SKA3: variants seen among roughly 807,000 people sequenced by gnomAD.
The protein encoded by SKA3 is spindle and kinetochore-associated protein 3.
In SKA3, 39 loss-of-function variants were observed where a neutral mutation model predicts 44.2. The ratio of observed to expected loss-of-function variants is 0.88; its 90% confidence interval spans 0.68 to 1.15. The LOEUF (loss-of-function observed/expected upper bound fraction) is 1.15. Ranked by LOEUF, SKA3 falls within the 50% of genes most tolerant of loss-of-function variation. The pLI, the probability that SKA3 is intolerant of heterozygous loss-of-function variation, is 0.00. For missense variants in SKA3, 511 were observed against 485.8 expected (o/e 1.05, Z -0.49); for synonymous variants, 192 against 172.0 (o/e 1.12, Z -0.91).
intron 4 of SKA3, among the ~76,000 whole-genome samples, chr13:21,162,540 A>AT (rs564730211): frequency 1.3e-3 from 203 of 151,848 alleles, no homozygotes; most frequent in African/African-American, 4.5e-3. Flanking sequence ...TAATGTTTGT[A>AT]TTTTTTTGGT....
In SKA3 at chr13:21,159,973, T is replaced by C; in HGVS notation, c.844A>G (p.Asn282Asp). 1 of 1,606,212 alleles carries C rather than the reference T, an allele frequency of 6.2e-7. No homozygotes were observed. The highest frequency in any genetic ancestry group is 1.7e-5 in the Admixed American group (1 of 58,280). The change falls in exon 6 of 9, where the codon AAC (asparagine) becomes GAC (aspartate). Residue 282 changes from asparagine to aspartate, a missense_variant. Asn to Asp is a conservative substitution (Grantham distance 23). Transcript: ENST00000314759. ...QLEKSDAEYT[N>D]SPLVPTFCTP... is the part of the protein sequence containing the mutation. ...CAGAATGTAGGTACCAAAGGAGAGT[T>C]GGTATATTCGGCATCTAAAAGACAC...
chr13:21,159,826 T>C, intron 6 of SKA3, 76 bp downstream of exon 6: 1 of 943,914 alleles, frequency 1.1e-6, no homozygotes, highest in Non-Finnish European at 1.5e-6. Flanking sequence ...CTAAACAGAC[T>C]CTTTGAGCCT....
intron 6 of SKA3, 39 bp downstream of exon 6, chr13:21,159,863 A>G (rs773848160): frequency 8.8e-7 from 1 of 1,140,468 alleles, no homozygotes; most frequent in South Asian, 1.9e-5. Context: ...TTGAGTCTTT[A>G]GGAGAAAGAC....
chr13:21,170,179 CTT>C (rs1192752791), intron 3 of SKA3, among the ~76,000 whole-genome samples: 49 of 138,308 alleles, frequency 3.5e-4, no homozygotes, highest in African/African-American at 4.5e-4. Flanking sequence ...AGGTTATATA[CTT>C]TTTTTTTTTT....
intron 4 of SKA3, 75 bp from the exon 5 acceptor site, chr13:21,161,950 C>T (rs533128475): frequency 2.3e-6 from 2 of 873,306 alleles, no homozygotes; most frequent in East Asian, 8.5e-5. Context: ...TTTAACCTTA[C>T]TAAATATCAA....
chr13:21,176,376 G>A lies in SKA3; in HGVS notation c.102C>T (p.Ser34=). 6.4e-7 allele frequency: 1 copy of A among 1,565,208 alleles called. No homozygotes were observed. Among genetic ancestry groups the A allele is most frequent in the South Asian group, 1.2e-5 (1 of 85,830 alleles). Residue 34 remains serine (S), a splice_region_variant and synonymous_variant, in exon 1 of 9, where the codon AGC becomes AGT. Coordinates refer to ENST00000314759, the MANE Select transcript of SKA3 (RefSeq NM_145061.6). ...GCCCTGGCCGCCCGCCTCACGCACCGCTTTCCTCTCCGTCCAGCGCTCGCT... is the reference window on the plus strand; with the variant it reads ...GCCCTGGCCGCCCGCCTCACGCACCACTTTCCTCTCCGTCCAGCGCTCGCT... ...RLQRALDGEE[S]DFEDYPMRIL... is the part of the protein sequence containing the mutation.
In SKA3 at chr13:21,155,041, C is replaced by T; in HGVS notation, c.*109G>A. The T allele has an allele frequency of 1.3e-6, 2 of 1,548,308 alleles. No individual in the cohort carries two copies. The highest frequency in any genetic ancestry group is 1.4e-5 in the African/African-American group (1 of 72,360). ...GTTCATGTTTGTCTTTAAAATGGGT[C>T]AACGTTTAAAGGGGGACAGAGGCAG... On this transcript the variant is annotated 3_prime_UTR_variant, in exon 9 of 9. Transcript: ENST00000314759.
chr13:21,172,508 T>C lies in SKA3; in HGVS notation c.166-4A>G. 1.3e-6 allele frequency: 2 copies of C among 1,558,254 alleles called. No individual in the cohort carries two copies. The highest frequency in any genetic ancestry group is 1.4e-5 in the African/African-American group (1 of 72,344). On this transcript the variant is annotated splice_polypyrimidine_tract_variant and splice_region_variant and intron_variant, in intron 2 of 8. Transcript: ENST00000314759. ...CAAGAAGAATATTAACATCATCCTT[T>C]TATGAATAAAGAAAGTACATTTTAA...
chr13:21,158,597 G>C (rs1414601044), intron 6 of SKA3, among the ~76,000 whole-genome samples: 1 of 152,058 alleles, frequency 6.6e-6, no homozygotes, highest in Non-Finnish European at 1.5e-5. Context: ...CTCCAGCCTG[G>C]GTGACAGAGT....
chr13:21,155,261 G>C, intron 8 of SKA3, 111 bp from the exon 9 acceptor site: 1 of 737,350 alleles, frequency 1.4e-6, no homozygotes. Context: ...ATTGAGGATA[G>C]ATTCCCACTG....
intron 1 of SKA3, among the ~76,000 whole-genome samples, chr13:21,174,767 C>CCAA (rs60501469): frequency 0.85 from 128,021 of 150,688 alleles, 54,596 homozygotes; most frequent in East Asian, 0.97. Context: ...GCGTACTGCT[C>CCAA]CAACAACAAC....
In SKA3 at chr13:21,155,091, C is replaced by T. The variant is rs779838748; in HGVS notation, c.*59G>A. 2 of 1,608,822 alleles carry T rather than the reference C, an allele frequency of 1.2e-6. No individual in the cohort carries two copies. The highest frequency in any genetic ancestry group is 2.7e-5 in the African/African-American group (2 of 74,884). Reference sequence around the variant, plus strand: ...GGGCAATGTGAATGTTAAAATCGGTCCAGCTCGGCTTTCATCTCATTTTGT... The same window carrying T: ...GGGCAATGTGAATGTTAAAATCGGTTCAGCTCGGCTTTCATCTCATTTTGT... On this transcript the variant is annotated 3_prime_UTR_variant, in exon 9 of 9. Transcript: ENST00000314759.
intron 4 of SKA3, among the ~76,000 whole-genome samples, chr13:21,166,417 G>A (rs1032777336): frequency 1.3e-5 from 2 of 151,856 alleles, no homozygotes; most frequent in African/African-American, 4.8e-5. Flanking sequence ...TATAACCTAC[G>A]ATATTTTCTG....
rs770358703 is a variant in SKA3 at position 21,176,522 on chromosome 13, C to CG, written c.-46dup. 2.2e-6 allele frequency: 3 copies of CG among 1,364,314 alleles called. No individual in the cohort carries two copies. The highest frequency in any genetic ancestry group is 2.9e-6 in the Non-Finnish European group (3 of 1,028,484). 84.5% of individuals were successfully genotyped at this position (1,364,314 alleles called of 1,614,324 possible). ...GACTCCAGGCGTACGCAGACCCCAC[C>CG]GCTCAGCTCACAGCCTCCCGCCACT... On this transcript the variant is annotated 5_prime_UTR_variant, in exon 1 of 9. Coordinates refer to ENST00000314759, the MANE Select transcript of SKA3 (RefSeq NM_145061.6).
chr13:21,172,937 G>A lies in SKA3; in HGVS notation c.104-256C>T, dbSNP rs569436319. 4.9e-4 allele frequency among the ~76,000 whole-genome samples: 74 copies of A among 152,234 alleles called. 1 individual carries two copies. The highest frequency in any genetic ancestry group is 8.2e-4 in the Non-Finnish European group (56 of 68,014). Reference sequence around the variant, plus strand: ...TGCTATACAGGTTTGTGGCCTAGGAGCGACAGGCTACACCATACAGCCTAG... The same window carrying A: ...TGCTATACAGGTTTGTGGCCTAGGAACGACAGGCTACACCATACAGCCTAG... On this transcript the variant is annotated intron_variant, in intron 1 of 8. Transcript: ENST00000314759.
chr13:21,167,628 G>A (rs750161981), intron 4 of SKA3, among the ~76,000 whole-genome samples: 1 of 151,980 alleles, frequency 6.6e-6, no homozygotes, highest in Admixed American at 6.6e-5. Context: ...TTAGCCAGGC[G>A]TGGTGGCTGG....
chr13:21,175,001 A>G lies in SKA3; in HGVS notation c.103+1374T>C, dbSNP rs907082948. ...CTGAAGATAGTTTTTTCTTTCTTAGATGGAGTCTAAGATCGCTCAGGCTGG... is the reference window on the plus strand; with the variant it reads ...CTGAAGATAGTTTTTTCTTTCTTAGGTGGAGTCTAAGATCGCTCAGGCTGG... On this transcript the variant is annotated intron_variant, in intron 1 of 8. Coordinates refer to ENST00000314759, the MANE Select transcript of SKA3 (RefSeq NM_145061.6). Among the ~76,000 whole-genome samples the G allele has an allele frequency of 2.0e-5, 3 of 152,080 alleles. No individual in the cohort carries two copies. In the South Asian group the frequency reaches 6.2e-4, roughly 32 times the overall value.
intron 7 of SKA3, among the ~76,000 whole-genome samples, chr13:21,156,722 A>G (rs1870138648): frequency 6.6e-6 from 1 of 152,222 alleles, no homozygotes; most frequent in Non-Finnish European, 1.5e-5. Flanking sequence ...TATCCTTCTC[A>G]TGGGTCTCCA....
intron 6 of SKA3, 33 bp downstream of exon 6, chr13:21,159,869 A>G: frequency 6.5e-7 from 1 of 1,542,834 alleles, no homozygotes; most frequent in Non-Finnish European, 8.8e-7. Context: ...CTTTAGGAGA[A>G]AGACTGTGGC....
Sources: allele counts gnomAD v4.1 joint callset (sites outside exome capture counted in the v4.1 genomes callset), GRCh38; gene constraint gnomAD v4.1.1; transcripts MANE v1.5; gene names NCBI Gene and HGNC (gene_info 2026-07-23, HGNC 2026-07-21).